SETD7: variants seen among roughly 807,000 people sequenced by gnomAD.
SETD7 encodes the protein histone-lysine N-methyltransferase SETD7.
In SETD7, 16 loss-of-function variants were observed where a neutral mutation model predicts 41.8. That is an observed-to-expected ratio of 0.38 (90% CI 0.26 to 0.58). The LOEUF is 0.58. SETD7 is among the 20% of genes least tolerant of loss of function. The probability of loss-of-function intolerance (pLI) is 0.64; values close to 1 mark genes in which losing one functional copy is unlikely to be tolerated. For missense variants in SETD7, 346 were observed against 459.7 expected, an observed-to-expected ratio of 0.75 and a Z score of 2.26; for synonymous variants, 163 against 169.7, an observed-to-expected ratio of 0.96 and a Z score of 0.31.
intron 5 of SETD7, among the ~76,000 whole-genome samples, chr4:139,522,741 CTTTTTTTTTTTTT>C (rs11357611): frequency 8.6e-5 from 8 of 93,450 alleles, no homozygotes; most frequent in Admixed American, 2.9e-4. Flanking sequence ...CCCAGCTGCT[CTTTTTTTTTTTTT>C]TTTTTTTTTT....
chr4:139,531,277 C>T lies in SETD7; in HGVS notation c.372+1888G>A, dbSNP rs759255462. ...ACGCCAATCCATTCACCAATCTTGG[C>T]GCATCTTTGATCCCATCTAGGGACT... On this transcript the variant is annotated intron_variant, in intron 3 of 7. Coordinates refer to ENST00000274031, the MANE Select transcript of SETD7 (RefSeq NM_030648.4). Among the ~76,000 whole-genome samples, 6 of 152,326 alleles carry T rather than the reference C, an allele frequency of 3.9e-5. 1 individual carries two copies. The highest frequency in any genetic ancestry group is 6.8e-3 in the Middle Eastern group (2 of 294).
At chr4:139,505,328 C>A (rs1419778731), downstream of SETD7, among the ~76,000 whole-genome samples, 1 of 152,190 alleles carries the variant, frequency 6.6e-6, no homozygotes, top group Non-Finnish European at 1.5e-5. Context: ...GTGACTCATG[C>A]CTGTAATCCC....
chr4:139,520,540 A>G (rs538356802), intron 5 of SETD7, 146 bp from the exon 6 acceptor site: 2 of 495,060 alleles, frequency 4.0e-6, no homozygotes, highest in African/African-American at 4.0e-5. Flanking sequence ...AAAAAGTTAA[A>G]CCACAATATT....
chr4:139,500,286 T>G (rs538398535), intron 7 of SETD7, among the ~76,000 whole-genome samples: 9 of 152,266 alleles, frequency 5.9e-5, no homozygotes, highest in Non-Finnish European at 1.0e-4. Context: ...CCCTCTGTCC[T>G]GCCCACCATC....
chr4:139,539,361 A>T (rs1727724512), intron 2 of SETD7, among the ~76,000 whole-genome samples: 1 of 152,232 alleles, frequency 6.6e-6, no homozygotes, highest in Admixed American at 6.5e-5. Context: ...CTTTTGAAAC[A>T]CTGCAAACTA....
At chr4:139,538,613 G>A (rs930182379) in intron 2 of SETD7, among the ~76,000 whole-genome samples, 28 of 152,074 alleles carry the variant, frequency 1.8e-4, no homozygotes, top group African/African-American at 6.5e-4. Context: ...GTGAGCCACC[G>A]CTCCTGGCCA....
intron 3 of SETD7, among the ~76,000 whole-genome samples, chr4:139,529,822 A>T (rs888420674): frequency 6.6e-6 from 1 of 152,128 alleles, no homozygotes; most frequent in Non-Finnish European, 1.5e-5. Flanking sequence ...CCTTTCTGAG[A>T]CTCCTATACC....
chr4:139,520,573 C>T lies in SETD7; in HGVS notation c.645-179G>A, dbSNP rs556668822. 7.2e-5 allele frequency among the ~76,000 whole-genome samples: 11 copies of T among 152,206 alleles called. 1 individual carries two copies. Among genetic ancestry groups the T allele is most frequent in the South Asian group, 2.1e-4 (1 of 4,812 alleles). ...ATTTTGGCATTGGAAATTAAACAAA[C>T]GGTAGTTATGTCTCTTTTAGGAGTG... On this transcript the variant is annotated intron_variant, in intron 5 of 7. Coordinates refer to ENST00000274031, the MANE Select transcript of SETD7 (RefSeq NM_030648.4).
At chr4:139,512,168 G>A (rs1400439996) in intron 7 of SETD7, among the ~76,000 whole-genome samples, 1 of 152,158 alleles carries the variant, frequency 6.6e-6, no homozygotes, top group Non-Finnish European at 1.5e-5. Flanking sequence ...CAACAATCAT[G>A]ATCAACAACA....
At chr4:139,494,061 A>T (rs1260602031), downstream of SETD7, among the ~76,000 whole-genome samples, 3 of 152,228 alleles carry the variant, frequency 2.0e-5, no homozygotes, top group African/African-American at 7.2e-5. Flanking sequence ...TTTTAGGCAC[A>T]GGAAGACAAG....
chr4:139,532,840 C>T, intron 3 of SETD7: 1 of 392,878 alleles, frequency 2.5e-6, no homozygotes, highest in East Asian at 5.0e-5. Flanking sequence ...CTATCTCCCT[C>T]TATGTGCCAA....
intron 5 of SETD7, among the ~76,000 whole-genome samples, chr4:139,522,741 C>CTTTTTTTTTTTTT (rs11357611): frequency 2.1e-5 from 2 of 93,432 alleles, no homozygotes; most frequent in Non-Finnish European, 3.8e-5. Context: ...CCCAGCTGCT[C>CTTTTTTTTTTTTT]TTTTTTTTTT....
downstream of SETD7, among the ~76,000 whole-genome samples, chr4:139,494,711 TG>T (rs936556012): frequency 2.0e-5 from 3 of 152,252 alleles, no homozygotes; most frequent in African/African-American, 7.2e-5. Flanking sequence ...AAATTGATAC[TG>T]GATGTTGGAC....
chr4:139,505,227 TGGGCAGAAG>T (rs1469743003), downstream of SETD7, among the ~76,000 whole-genome samples: 2 of 152,236 alleles, frequency 1.3e-5, no homozygotes, highest in African/African-American at 2.4e-5. Context: ...TTTGGGGTCC[TGGGCAGAAG>T]GCCCAGCTAA....
chr4:139,527,477 G>C (rs965129), intron 4 of SETD7, among the ~76,000 whole-genome samples: 24,104 of 152,110 alleles, frequency 0.16, 2,412 homozygotes, highest in African/African-American at 0.27. Flanking sequence ...AGGATTGCTT[G>C]AGCTCAGGAG....
At chr4:139,536,664 A>G (rs1727646114) in intron 2 of SETD7, among the ~76,000 whole-genome samples, 1 of 151,974 alleles carries the variant, frequency 6.6e-6, no homozygotes, top group African/African-American at 2.4e-5. Flanking sequence ...GTGAGCTGAA[A>G]TTGTGCCACT....
chr4:139,522,425 C>A (rs1246653243), intron 5 of SETD7, among the ~76,000 whole-genome samples: 1 of 152,226 alleles, frequency 6.6e-6, no homozygotes, highest in Non-Finnish European at 1.5e-5. Context: ...ATAAATAAGA[C>A]ATGAAGTAGA....
intron 2 of SETD7, among the ~76,000 whole-genome samples, chr4:139,539,812 G>T (rs533454289): frequency 3.3e-5 from 5 of 152,294 alleles, no homozygotes; most frequent in Non-Finnish European, 7.4e-5. Context: ...CTTATAAAAA[G>T]ATATTAGAAA....
At chr4:139,553,052 T>C (rs768782344) in intron 1 of SETD7, among the ~76,000 whole-genome samples, 3 of 152,176 alleles carry the variant, frequency 2.0e-5, no homozygotes, top group Non-Finnish European at 2.9e-5. Flanking sequence ...GGTGGAGCTC[T>C]GAGGTCCTCT....
Sources: allele counts gnomAD v4.1 joint callset (sites outside exome capture counted in the v4.1 genomes callset), GRCh38; gene constraint gnomAD v4.1.1; transcripts MANE v1.5; gene names NCBI Gene and HGNC (gene_info 2026-07-23, HGNC 2026-07-21).